The following ARHGEF1 variants were observed in gnomAD, a reference collection of about 807,000 sequenced individuals.
ARHGEF1 encodes the protein Rho guanine nucleotide exchange factor 1, also known as 115 kDa guanine nucleotide exchange factor.
In ARHGEF1, 40 loss-of-function variants were observed where a neutral mutation model predicts 119.7. That is an observed-to-expected ratio of 0.33 (90% CI 0.26 to 0.44). The LOEUF (loss-of-function observed/expected upper bound fraction) is 0.44, where lower values mean the gene tolerates loss of function less well. ARHGEF1 is among the 20% of genes least tolerant of loss of function. The probability of loss-of-function intolerance (pLI) is 1.00; values close to 1 mark genes in which losing one functional copy is unlikely to be tolerated. For missense variants in ARHGEF1, 976 were observed against 1,268.3 expected (o/e 0.77, Z 3.50); for synonymous variants, 494 against 521.0 (o/e 0.95, Z 0.71).
At position 41,903,567 on chromosome 19, in the gene ARHGEF1, C is replaced by T. The variant is rs2074639800; in HGVS notation, c.1840-140C>T. 1.2e-5 allele frequency: 13 copies of T among 1,109,780 alleles called. No individual in the cohort carries two copies. In the South Asian group the frequency reaches 1.7e-4, roughly 14 times the overall value. 68.7% of individuals were successfully genotyped at this position (1,109,780 alleles called of 1,614,324 possible). ...GGCTTGGCCCTCAGCATCTCCCTCT[C>T]AGGGTCATTGGAGGTCAGGCCCAAC... On this transcript the variant is annotated intron_variant, in intron 19 of 28. Coordinates refer to ENST00000354532, the MANE Select transcript of ARHGEF1 (RefSeq NM_004706.4). This position sits in a 1 kb window ranked among gnomAD's most constrained non-coding sequence, Gnocchi z 4.2.
chr19:41,884,234 C>A, intron 1 of ARHGEF1: 1 of 611,728 alleles, frequency 1.6e-6, no homozygotes. Flanking sequence ...GCTGGCCCTC[C>A]AAGACAGGCC....
chr19:41,907,779 A>AG (rs1316963382), downstream of ARHGEF1: 63 of 168,970 alleles, frequency 3.7e-4, no homozygotes, highest in African/African-American at 1.1e-3. Context: ...GCTGGTGGGG[A>AG]GGGGGGCCCC....
At position 41,928,587 on chromosome 19, in the gene ARHGEF1, T is replaced by A. The variant is rs1337577288; in HGVS notation, c.141-244T>A. 14 of 182,430 alleles carry A rather than the reference T, an allele frequency of 7.7e-5. No individual in the cohort carries two copies. The South Asian group carries it at 1.1e-3, about 14-fold the overall frequency. The allele number at this position is 182,430 out of a possible 1,614,324, so 11.3% of individuals were successfully genotyped here. ...CCCGGCCGGGCTCGGCTCGCAGATA[T>A]ATGGAGGCGGCGGCGGCGGCGCGGG... On this transcript the variant is annotated intron_variant, in intron 1 of 2. Transcript: ENST00000594417.
At chr19:41,896,703 C>T (rs1219313050) in intron 13 of ARHGEF1, 1 of 691,522 alleles carries the variant, frequency 1.4e-6, no homozygotes, top group Non-Finnish European at 2.6e-6. Flanking sequence ...CTTCCTTTTT[C>T]CTCTGCTCCT....
At position 41,903,413 on chromosome 19, in the gene ARHGEF1, C is replaced by T. The variant is rs782573098; in HGVS notation, c.1839+6C>T. The T allele has an allele frequency of 2.5e-6, 4 of 1,613,510 alleles. No individual in the cohort carries two copies. The East Asian group carries it at 8.9e-5, about 36-fold the overall frequency. ...GTGACATGGAGGACCTGCTGGTGAGCCTGGGCTGGCCCCACACCCGGGACA... is the reference window on the plus strand; with the variant it reads ...GTGACATGGAGGACCTGCTGGTGAGTCTGGGCTGGCCCCACACCCGGGACA... On this transcript the variant is annotated splice_donor_region_variant and intron_variant, in intron 19 of 28. Coordinates refer to ENST00000354532, the MANE Select transcript of ARHGEF1 (RefSeq NM_004706.4). The surrounding 1 kb of genome is among the most constrained non-coding windows in gnomAD (Gnocchi z 4.2).
intron 11 of ARHGEF1, among the ~76,000 whole-genome samples, 154 bp from the exon 12 acceptor site, chr19:41,895,195 G>A (rs2074461861): frequency 2.0e-5 from 3 of 151,894 alleles, no homozygotes; most frequent in Admixed American, 6.6e-5. Flanking sequence ...TGTGTCTGAG[G>A]GAGGAGGGGT....
In ARHGEF1 at chr19:41,888,368, C is replaced by A; in HGVS notation, c.111+90C>A. The A allele has an allele frequency of 7.5e-7, 1 of 1,327,964 alleles. No homozygotes were observed. Among genetic ancestry groups the A allele is most frequent in the Non-Finnish European group, 1.1e-6 (1 of 942,596 alleles). The allele number at this position is 1,327,964 out of a possible 1,614,324, so 82.3% of individuals were successfully genotyped here. On this transcript the variant is annotated intron_variant, in intron 3 of 28. Coordinates refer to ENST00000354532, the MANE Select transcript of ARHGEF1 (RefSeq NM_004706.4). This position sits in a 1 kb window ranked among gnomAD's most constrained non-coding sequence, Gnocchi z 5.1. ...CACCTGCAGATGCTGTCTTCTTGGC[C>A]TTTTCCCACGGTCTGTCTCATCCTC...
In ARHGEF1 at chr19:41,913,262, C is replaced by G. The variant is rs1350255037; in HGVS notation, c.1865+6459C>G. Reference sequence around the variant, plus strand: ...ACGCTCTCACACTCGCTGGCTCTCACGCCCGCCCGCCCGCCCGCCGCTCGC... The same window carrying G: ...ACGCTCTCACACTCGCTGGCTCTCAGGCCCGCCCGCCCGCCCGCCGCTCGC... On this transcript the variant is annotated intron_variant, in intron 18 of 20. Coordinates refer to the ARHGEF1 transcript ENST00000599589. 5.4e-5 allele frequency among the ~76,000 whole-genome samples: 8 copies of G among 148,646 alleles called. No homozygotes were observed. In the South Asian group the frequency reaches 1.5e-3, roughly 28 times the overall value.
rs2074804303 is a variant in ARHGEF1, at chr19:41,916,792, A to T, written c.1866-6300A>T. On this transcript the variant is annotated intron_variant, in intron 18 of 20. Transcript: ENST00000599589. The surrounding 1 kb of genome is among the most constrained non-coding windows in gnomAD (Gnocchi z 5.4). The stretch of plus-strand genomic sequence containing the variant: ...GCCACACACACACCCATTCACAGAC[A>T]CAGTCACAATCACACACACACACCA... Among the ~76,000 whole-genome samples, 1 of 152,028 alleles carries T rather than the reference A, an allele frequency of 6.6e-6. No homozygotes were observed. Among genetic ancestry groups the T allele is most frequent in the East Asian group, 1.9e-4 (1 of 5,194 alleles).
chr19:41,929,128 CGGAGACATTCAG>C (rs1555853628), intron 2 of ARHGEF1: 1 of 303,752 alleles, frequency 3.3e-6, no homozygotes, highest in Non-Finnish European at 6.7e-6. Flanking sequence ...AACCGGTACA[CGGAGACATTCAG>C]GCACACACAG....
chr19:41,906,871 C>CT lies in ARHGEF1; in HGVS notation c.*17+69dup. 1.6e-6 allele frequency: 2 copies of CT among 1,242,904 alleles called. No individual in the cohort carries two copies. The highest frequency in any genetic ancestry group is 2.9e-5 in the South Asian group (2 of 68,070). 77.0% of individuals were successfully genotyped at this position (1,242,904 alleles called of 1,614,324 possible). On this transcript the variant is annotated intron_variant, in intron 28 of 28. Transcript: ENST00000354532. The surrounding 1 kb of genome is among the most constrained non-coding windows in gnomAD (Gnocchi z 4.5). ...GGGTCCCCCTCCAGAGCTCGCATCC[C>CT]TACAGCCCCTTCTGTCCATCTCCCT...
In ARHGEF1 at chr19:41,897,617, C is replaced by T. The variant is rs576394853; in HGVS notation, c.1122-825C>T. 1,017 of 312,954 alleles carry T rather than the reference C, an allele frequency of 3.2e-3. 14 individuals are homozygous for T. Among genetic ancestry groups the T allele is most frequent in the African/African-American group, 0.017 (771 of 44,830 alleles). The allele number at this position is 312,954 out of a possible 1,614,324, so 19.4% of individuals were successfully genotyped here. On this transcript the variant is annotated intron_variant, in intron 13 of 28. Transcript: ENST00000354532. ...GTATCCCCCCTCCCCCAAGACCCCCCACTACCCCAGTGCCCCTAAAATCCC... is the reference window on the plus strand; with the variant it reads ...GTATCCCCCCTCCCCCAAGACCCCCTACTACCCCAGTGCCCCTAAAATCCC...
chr19:41,902,155 T>C lies in ARHGEF1; in HGVS notation c.1415-119T>C. 6.4e-7 allele frequency: 1 copy of C among 1,556,402 alleles called. No homozygotes were observed. The highest frequency in any genetic ancestry group is 2.3e-5 in the East Asian group (1 of 44,218). ...ACATGGGGTGGGGGCAGATACGCCA[T>C]CCGGTCCCGAGGATCAGACACAGAC... On this transcript the variant is annotated intron_variant, in intron 15 of 28. Transcript: ENST00000354532. The surrounding 1 kb of genome is among the most constrained non-coding windows in gnomAD (Gnocchi z 6.5).
At position 41,892,732 on chromosome 19, in the gene ARHGEF1, C is replaced by T. The variant is rs1276987407; in HGVS notation, c.497C>T (p.Thr166Met). 21 of 1,611,920 alleles carry T rather than the reference C, an allele frequency of 1.3e-5. No homozygotes were observed. The highest frequency in any genetic ancestry group is 1.4e-5 in the Non-Finnish European group (17 of 1,179,218). The change falls in exon 7 of 29, where the codon ACG becomes ATG. Residue 166 changes from threonine (T) to methionine (M), a missense_variant. By Grantham distance (81) the Thr-to-Met change is moderately conservative. This residue lies in a region of ARHGEF1 where 519 missense variants were observed against 580.9 expected (regional missense o/e 0.89). Transcript: ENST00000354532. The surrounding 1 kb of genome is among the most constrained non-coding windows in gnomAD (Gnocchi z 6.3). ...CGTTCCAAGCGGCTCATGGGCATGA[C>T]GCCCTGGGAGCAGGAGCTGGCCCAG... Reference protein sequence around the residue: ...DFRSKRLMGMTPWEQELAQLE... With the variant: ...DFRSKRLMGMMPWEQELAQLE...
At chr19:41,920,569 CACAG>C (rs1555852393), upstream of ARHGEF1, among the ~76,000 whole-genome samples, 1 of 151,332 alleles carries the variant, frequency 6.6e-6, no homozygotes, top group African/African-American at 2.5e-5. Flanking sequence ...GTTACGCACT[CACAG>C]ACGTGATGCA....
chr19:41,902,748 G>C lies in ARHGEF1; in HGVS notation c.1624-36G>C. On this transcript the variant is annotated intron_variant, in intron 17 of 28. Coordinates refer to ENST00000354532, the MANE Select transcript of ARHGEF1 (RefSeq NM_004706.4). The surrounding 1 kb of genome is among the most constrained non-coding windows in gnomAD (Gnocchi z 6.5). ...GCCTGCGCCCTGGGGTGAGCCCAAAGCCTGGGCCATCGCAACACCAGCATG... is the reference window on the plus strand; with the variant it reads ...GCCTGCGCCCTGGGGTGAGCCCAAACCCTGGGCCATCGCAACACCAGCATG... The C allele has an allele frequency of 6.2e-7, 1 of 1,613,284 alleles. No homozygotes were observed. The highest frequency in any genetic ancestry group is 8.5e-7 in the Non-Finnish European group (1 of 1,179,804).
chr19:41,921,179 C>T (rs2074840115), upstream of ARHGEF1, among the ~76,000 whole-genome samples: 1 of 151,886 alleles, frequency 6.6e-6, no homozygotes, highest in Admixed American at 6.6e-5. This position sits in a 1 kb window ranked among gnomAD's most constrained non-coding sequence, Gnocchi z 4.4. Flanking sequence ...GGAGGTCTGG[C>T]TGCTCCCCAA....
In ARHGEF1 at chr19:41,903,423, C is replaced by A; in HGVS notation, c.1839+16C>A. 6.2e-7 allele frequency: 1 copy of A among 1,611,776 alleles called. No homozygotes were observed. The highest frequency in any genetic ancestry group is 1.3e-5 in the African/African-American group (1 of 75,018). The stretch of plus-strand genomic sequence containing the variant: ...GGACCTGCTGGTGAGCCTGGGCTGG[C>A]CCCACACCCGGGACAGTGGATGGTG... On this transcript the variant is annotated intron_variant, in intron 19 of 28. Coordinates refer to ENST00000354532, the MANE Select transcript of ARHGEF1 (RefSeq NM_004706.4). This position sits in a 1 kb window ranked among gnomAD's most constrained non-coding sequence, Gnocchi z 4.2.
chr19:41,908,512 C>T, downstream of ARHGEF1: 1 of 1,231,680 alleles, frequency 8.1e-7, no homozygotes, highest in Non-Finnish European at 1.0e-6. This position sits in a 1 kb window ranked among gnomAD's most constrained non-coding sequence, Gnocchi z 6.7. Flanking sequence ...GGCAGGTGGC[C>T]CAGGGAACTG....
Sources: allele counts gnomAD v4.1 joint callset (sites outside exome capture counted in the v4.1 genomes callset), GRCh38; gene constraint gnomAD v4.1.1; regional missense constraint gnomAD v4.1.1; non-coding constraint Gnocchi (gnomAD v3.1); transcripts MANE v1.5; gene names NCBI Gene and HGNC (gene_info 2026-07-23, HGNC 2026-07-21).